The following SLC44A5 variants were observed in gnomAD, a reference collection of about 807,000 sequenced individuals.
SLC44A5 encodes the protein solute carrier family 44 member 5, also known as choline transporter-like protein 5.
A neutral mutation model predicts 101.8 loss-of-function variants in SLC44A5; 57 were observed. That is an observed-to-expected ratio of 0.56 (90% CI 0.45 to 0.70). The LOEUF is 0.70. Among genes scored for constraint, SLC44A5 ranks in the 30% least tolerant of loss-of-function variants. The pLI is 0.00. For missense variants in SLC44A5, 737 were observed against 853.1 expected (o/e 0.86, Z 1.70); for synonymous variants, 281 against 290.9 (o/e 0.97, Z 0.35).
chr1:75,658,466 C>T, the SLC44A5 span, among the ~76,000 whole-genome samples: 1 of 151,992 alleles, frequency 6.6e-6, no homozygotes, highest in Admixed American at 6.6e-5. Context: ...AAATCAATAA[C>T]AAAAGGAATT....
At chr1:75,698,577 ACT>A in the SLC44A5 span, among the ~76,000 whole-genome samples, 1 of 152,216 alleles carries the variant, frequency 6.6e-6, no homozygotes, top group African/African-American at 2.4e-5. Context: ...AAAACTGGAA[ACT>A]CTAAAAAGCA....
rs185180544 is a variant in SLC44A5 at position 75,583,994 on chromosome 1, C to A, written c.-70+27046G>T. ...GGAGATTGTCACTCAATGTCCCAAG[C>A]TTTGAGGTCTCAAATTCTAAGACAA... On this transcript the variant is annotated intron_variant, in intron 1 of 23. Coordinates refer to ENST00000370859, the MANE Select transcript of SLC44A5 (RefSeq NM_001130058.2). 1.6e-4 allele frequency among the ~76,000 whole-genome samples: 24 copies of A among 152,348 alleles called. No individual in the cohort carries two copies. In the East Asian group the frequency reaches 3.5e-3, roughly 22 times the overall value.
At chr1:75,384,105 C>T (rs1232361033) in intron 3 of SLC44A5, among the ~76,000 whole-genome samples, 2 of 151,818 alleles carry the variant, frequency 1.3e-5, no homozygotes, top group Non-Finnish European at 2.9e-5. Context: ...CAAAATCATG[C>T]CAAAATGTAA....
chr1:75,590,549 C>T (rs2102105994), intron 1 of SLC44A5, among the ~76,000 whole-genome samples: 1 of 152,198 alleles, frequency 6.6e-6, no homozygotes, highest in African/African-American at 2.4e-5. Flanking sequence ...CTGAACCTGC[C>T]CTGGGGCAGA....
At chr1:75,253,637 G>T (rs946443751) in intron 6 of SLC44A5, among the ~76,000 whole-genome samples, 13 of 152,290 alleles carry the variant, frequency 8.5e-5, no homozygotes, top group Non-Finnish European at 4.4e-5. Flanking sequence ...TTGAGCAAAT[G>T]AATAAATTAT....
intron 4 of SLC44A5, among the ~76,000 whole-genome samples, chr1:75,317,622 A>T (rs980419355): frequency 3.3e-5 from 5 of 152,178 alleles, no homozygotes; most frequent in African/African-American, 1.2e-4. Flanking sequence ...CTATAACAAA[A>T]TACCATAGGC....
chr1:75,360,872 G>A (rs947577991), intron 3 of SLC44A5, among the ~76,000 whole-genome samples: 1 of 152,126 alleles, frequency 6.6e-6, no homozygotes, highest in Non-Finnish European at 1.5e-5. Context: ...GATAGGGATT[G>A]CACTGAATGT....
intron 3 of SLC44A5, among the ~76,000 whole-genome samples, chr1:75,362,918 G>A (rs541429588): frequency 2.6e-5 from 4 of 152,074 alleles, no homozygotes; most frequent in Non-Finnish European, 5.9e-5. Flanking sequence ...GTTGAAAGTG[G>A]CATATTGAAG....
chr1:75,269,440 C>T (rs944074915), intron 6 of SLC44A5, among the ~76,000 whole-genome samples: 1 of 151,880 alleles, frequency 6.6e-6, no homozygotes. Context: ...TTTCTATTTT[C>T]TGCTTTTGGT....
At chr1:75,681,564 A>C in the SLC44A5 span, among the ~76,000 whole-genome samples, 1 of 151,604 alleles carries the variant, frequency 6.6e-6, no homozygotes, top group South Asian at 2.1e-4. Flanking sequence ...ACAACTCTTC[A>C]TGCTAAAAAC....
At chr1:75,699,306 C>T in the SLC44A5 span, among the ~76,000 whole-genome samples, 5 of 152,070 alleles carry the variant, frequency 3.3e-5, no homozygotes, top group African/African-American at 7.2e-5. Context: ...GCGGATCTCT[C>T]GGCAGAAACT....
chr1:75,440,643 A>T (rs1665142366), intron 2 of SLC44A5, among the ~76,000 whole-genome samples: 1 of 152,170 alleles, frequency 6.6e-6, no homozygotes, highest in African/African-American at 2.4e-5. Context: ...GAATGAGATT[A>T]TAAGATGGAA....
the SLC44A5 span, among the ~76,000 whole-genome samples, chr1:75,691,888 T>C: frequency 1.3e-5 from 2 of 152,196 alleles, no homozygotes; most frequent in Non-Finnish European, 2.9e-5. Flanking sequence ...AACCTAATTA[T>C]TTCCCAAAGG....
chr1:75,215,269 AAT>A (rs948704430), intron 19 of SLC44A5, among the ~76,000 whole-genome samples: 5 of 152,156 alleles, frequency 3.3e-5, no homozygotes, highest in African/African-American at 4.8e-5. Context: ...GTTAAAAAAA[AAT>A]ATTTAGGAAT....
rs573085411 is a variant in SLC44A5 at position 75,253,396 on chromosome 1, A to G, written c.261-2102T>C. ...GTAATCTGCCTGAAATATCAAAGTG[A>G]GAAGGGAAATCTGAAAAAGCATTTT... On this transcript the variant is annotated intron_variant, in intron 6 of 23. Coordinates refer to ENST00000370859, the MANE Select transcript of SLC44A5 (RefSeq NM_001130058.2). Among the ~76,000 whole-genome samples, 63 of 152,328 alleles carry G rather than the reference A, an allele frequency of 4.1e-4. 1 individual carries two copies. The highest frequency in any genetic ancestry group is 1.5e-3 in the African/African-American group (63 of 41,546).
rs754242522 is a variant in SLC44A5, at chr1:75,266,942, C to T, written c.260+8016G>A. 2.6e-5 allele frequency among the ~76,000 whole-genome samples: 4 copies of T among 152,168 alleles called. No individual in the cohort carries two copies. The East Asian group carries it at 5.8e-4, about 22-fold the overall frequency. ...CAGAGACTAGGAAGAGGAATGGTGA[C>T]GGTGCGTGCGGCTGCTTCAGATGAG... On this transcript the variant is annotated intron_variant, in intron 6 of 23. Coordinates refer to ENST00000370859, the MANE Select transcript of SLC44A5 (RefSeq NM_001130058.2).
At chr1:75,335,701 G>T (rs1205065466) in intron 4 of SLC44A5, among the ~76,000 whole-genome samples, 1 of 152,176 alleles carries the variant, frequency 6.6e-6, no homozygotes, top group Non-Finnish European at 1.5e-5. Context: ...AAGCCTTACA[G>T]GTCTCATTAT....
the SLC44A5 span, among the ~76,000 whole-genome samples, chr1:75,655,240 C>G: frequency 6.6e-6 from 1 of 152,126 alleles, no homozygotes; most frequent in East Asian, 1.9e-4. Flanking sequence ...CACCAATCCC[C>G]CATGACACAC....
chr1:75,686,141 G>T, the SLC44A5 span, among the ~76,000 whole-genome samples: 6 of 152,148 alleles, frequency 3.9e-5, no homozygotes, highest in African/African-American at 1.4e-4. Flanking sequence ...CATGACACAT[G>T]GAGATTATGG....
Sources: gnomAD v4.1 joint callset for allele counts (sites outside exome capture counted in the v4.1 genomes callset) on GRCh38, gnomAD v4.1.1 for gene constraint, MANE v1.5 for transcripts, NCBI Gene and HGNC (gene_info 2026-07-23, HGNC 2026-07-21) for gene names.